RPLP1: variants seen among roughly 807,000 people sequenced by gnomAD.
RPLP1 encodes the protein ribosomal protein lateral stalk subunit P1.
Under a neutral mutation model 11.6 loss-of-function variants are expected in RPLP1, and 4 were observed. That is an observed-to-expected ratio of 0.34 (90% CI 0.17 to 0.79). The LOEUF (loss-of-function observed/expected upper bound fraction) is 0.79, where lower values mean the gene tolerates loss of function less well. Ranked by LOEUF, RPLP1 falls within the 30% of genes least tolerant of loss-of-function variation. RPLP1 has a pLI of 0.55. For missense variants in RPLP1, 133 were observed against 142.8 expected, an observed-to-expected ratio of 0.93 and a Z score of 0.35; for synonymous variants, 54 against 52.2, an observed-to-expected ratio of 1.03 and a Z score of -0.15.
Position 69,455,340 on chromosome 15 carries a change from A to ATAGT in RPLP1, c.265+53_265+54insTAGT. On this transcript the variant is annotated intron_variant, in intron 3 of 3. Transcript: ENST00000260379. Reference sequence around the variant, plus strand: ...GGAGGAGTGTAGAGATTTTTTAAAAAATAGTATTATAGACAAAATTGCCAT... The same window carrying ATAGT: ...GGAGGAGTGTAGAGATTTTTTAAAAATAGTATAGTATTATAGACAAAATTGCCAT... The ATAGT allele has an allele frequency of 2.6e-6, 4 of 1,533,840 alleles. 1 individual carries two copies. The South Asian group carries it at 5.0e-5, about 19-fold the overall frequency.
chr15:69,455,283 T>C lies in RPLP1; in HGVS notation c.261T>C (p.Ala87=). 6.4e-7 allele frequency: 1 copy of C among 1,553,224 alleles called. No individual in the cohort carries two copies. The highest frequency in any genetic ancestry group is 8.7e-7 in the Non-Finnish European group (1 of 1,154,336). The change falls in exon 3 of 4, where the codon GCT becomes GCC. Residue 87 remains alanine (A), a synonymous_variant. Transcript: ENST00000260379. ...GTCCTGCCCCCTCCACTGCTGCTGCTCCAGGTAGGAAACATGGAGTTTTTA... is the reference window on the plus strand; with the variant it reads ...GTCCTGCCCCCTCCACTGCTGCTGCCCCAGGTAGGAAACATGGAGTTTTTA... ...AGGPAPSTAA[A]PAEEKKVEAK...
In RPLP1 at chr15:69,453,151, T is replaced by C. The variant is rs1225309164; in HGVS notation, c.72+131T>C. On this transcript the variant is annotated intron_variant, in intron 1 of 3. Coordinates refer to ENST00000260379, the MANE Select transcript of RPLP1 (RefSeq NM_001003.3). ...GGCCAGGCCGCGAACACAGGCCGCA[T>C]AGGGCGGGCGCTCCTCGGGGCTGGG... 7 of 849,894 alleles carry C rather than the reference T, an allele frequency of 8.2e-6. No homozygotes were observed. The East Asian group carries it at 1.9e-4, about 23-fold the overall frequency. The allele number at this position is 849,894 out of a possible 1,614,324, so 52.6% of individuals were successfully genotyped here. A position where few individuals can be genotyped will look rare whatever the true frequency, so the allele number is the denominator to read the frequency against.
In RPLP1 at chr15:69,452,829, A is replaced by C. The variant is rs188707409; in HGVS notation, c.-120A>C. 1.8e-3 allele frequency: 1,692 copies of C among 915,754 alleles called. 2 individuals are homozygous for C. The highest frequency in any genetic ancestry group is 2.6e-3 in the Non-Finnish European group (1,539 of 588,314). 56.7% of individuals were successfully genotyped at this position (915,754 alleles called of 1,614,324 possible). A position where few individuals can be genotyped will look rare whatever the true frequency, so the allele number is the denominator to read the frequency against. On this transcript the variant is annotated 5_prime_UTR_variant, in exon 1 of 4. Transcript: ENST00000260379. ...TATAGGCGCGAGAGCCCCTTTCCTC[A>C]GCTGCCGCCAAGGTGCTCGGTCCTT...
chr15:69,455,620 C>A lies in RPLP1; in HGVS notation c.*113C>A. ...TCTGTTTTGTAATGTTGGCTTTCAG[C>A]CTATTCTGCCATGACACAGGCTGGA... On this transcript the variant is annotated 3_prime_UTR_variant, in exon 4 of 4. Transcript: ENST00000260379. 1.3e-6 allele frequency: 1 copy of A among 764,730 alleles called. No individual in the cohort carries two copies. The highest frequency in any genetic ancestry group is 2.1e-6 in the Non-Finnish European group (1 of 481,376). 47.4% of individuals were successfully genotyped at this position (764,730 alleles called of 1,614,324 possible). A position where few individuals can be genotyped will look rare whatever the true frequency, so the allele number is the denominator to read the frequency against.
chr15:69,452,911 C>G lies in RPLP1; in HGVS notation c.-38C>G. 2 of 1,552,678 alleles carry G rather than the reference C, an allele frequency of 1.3e-6. No homozygotes were observed. The highest frequency in any genetic ancestry group is 1.7e-6 in the Non-Finnish European group (2 of 1,149,760). ...CCCTCACTTCATCCGGCGACTAGCA[C>G]CGCGTCCGGCAGCGCCAGCCCTACA... On this transcript the variant is annotated 5_prime_UTR_variant, in exon 1 of 4. Transcript: ENST00000260379.
chr15:69,453,530 G>C, intron 1 of RPLP1, 117 bp from the exon 2 acceptor site: 1 of 1,137,420 alleles, frequency 8.8e-7, no homozygotes, highest in Non-Finnish European at 1.3e-6. Flanking sequence ...TCTTTTGCTT[G>C]TGATAGAATA....
chr15:69,452,887 C>T lies in RPLP1; in HGVS notation c.-62C>T. On this transcript the variant is annotated 5_prime_UTR_variant, in exon 1 of 4. Coordinates refer to ENST00000260379, the MANE Select transcript of RPLP1 (RefSeq NM_001003.3). ...AGCTAAGGCTGCGTTGGGGTGAGGC[C>T]CTCACTTCATCCGGCGACTAGCACC... is the stretch of plus-strand genomic sequence containing the variant. 3 of 1,462,926 alleles carry T rather than the reference C, an allele frequency of 2.1e-6. No individual in the cohort carries two copies. The highest frequency in any genetic ancestry group is 2.8e-6 in the Non-Finnish European group (3 of 1,073,708). 90.6% of individuals were successfully genotyped at this position (1,462,926 alleles called of 1,614,324 possible).
chr15:69,453,125 G>T, intron 1 of RPLP1, 105 bp downstream of exon 1: 1 of 1,091,214 alleles, frequency 9.2e-7, no homozygotes, highest in South Asian at 1.4e-5. Context: ...CTTCCGGCCG[G>T]GGCCAGGCCG....
chr15:69,455,062 G>T, intron 2 of RPLP1, 108 bp from the exon 3 acceptor site: 1 of 1,460,112 alleles, frequency 6.8e-7, no homozygotes. Context: ...ATAGTGTTAG[G>T]GGTTGATCAC....
intron 3 of RPLP1, 51 bp from the exon 4 acceptor site, chr15:69,455,376 CA>C (rs1892420275): frequency 6.4e-7 from 1 of 1,555,022 alleles, no homozygotes; most frequent in African/African-American, 1.4e-5. Context: ...TAATTTTTCA[CA>C]AGTATATGAA....
intron 2 of RPLP1, chr15:69,454,707 G>C (rs1892408167): frequency 6.6e-6 from 1 of 152,338 alleles, no homozygotes; most frequent in South Asian, 2.1e-4. Flanking sequence ...AGTGTTTCAG[G>C]AAGTTTGGAT....
chr15:69,453,183 C>CT (rs1207498159), intron 1 of RPLP1, 163 bp downstream of exon 1: 87 of 674,626 alleles, frequency 1.3e-4, no homozygotes, highest in Non-Finnish European at 7.8e-5. Context: ...TGGGGCCTCT[C>CT]TCCGGGCAGG....
rs1596037421 is a variant in RPLP1 at position 69,453,662 on chromosome 15, G to A, written c.88G>A (p.Ala30Thr). 6.2e-7 allele frequency: 1 copy of A among 1,614,068 alleles called. No individual in the cohort carries two copies. Among genetic ancestry groups the A allele is most frequent in the South Asian group, 1.1e-5 (1 of 91,072 alleles). Residue 30 changes from alanine (A) to threonine (T), a missense_variant, in exon 2 of 4, where the codon GCC (alanine) becomes ACC (threonine). By Grantham distance (58) the Ala-to-Thr change is moderately conservative. Transcript: ENST00000260379. ...EVTVTEDKIN[A>T]LIKAAGVNVE... The stretch of plus-strand genomic sequence containing the variant: ...TTTGTTGTAGGAGGATAAGATCAAT[G>A]CCCTCATTAAAGCAGCCGGTGTAAA...
chr15:69,455,279 C>T lies in RPLP1; in HGVS notation c.257C>T (p.Ala86Val), dbSNP rs1281468377. The T allele has an allele frequency of 6.4e-7, 1 of 1,556,430 alleles. No homozygotes were observed. Among genetic ancestry groups the T allele is most frequent in the East Asian group, 2.3e-5 (1 of 44,366 alleles). The part of the protein sequence containing the change: ...PAGGPAPSTA[A>V]APAEEKKVEA... ...GGAGGTCCTGCCCCCTCCACTGCTG[C>T]TGCTCCAGGTAGGAAACATGGAGTT... The change falls in exon 3 of 4, where the codon GCT (alanine) becomes GTT (valine). Residue 86 changes from alanine to valine, a missense_variant. Ala to Val is a moderately conservative substitution (Grantham distance 64). Coordinates refer to ENST00000260379, the MANE Select transcript of RPLP1 (RefSeq NM_001003.3).
chr15:69,453,052 G>C (rs774333571), intron 1 of RPLP1, 32 bp downstream of exon 1: 1 of 1,539,774 alleles, frequency 6.5e-7, no homozygotes, highest in African/African-American at 1.4e-5. Flanking sequence ...CGGCCGGGCT[G>C]CCTGTGGGCG....
chr15:69,452,850 T>G lies in RPLP1; in HGVS notation c.-99T>G. ...CCTCAGCTGCCGCCAAGGTGCTCGG[T>G]CCTTCCGAGGAAGCTAAGGCTGCGT... On this transcript the variant is annotated 5_prime_UTR_variant, in exon 1 of 4. Transcript: ENST00000260379. The G allele has an allele frequency of 8.8e-7, 1 of 1,137,146 alleles. No individual in the cohort carries two copies. Among genetic ancestry groups the G allele is most frequent in the Non-Finnish European group, 1.3e-6 (1 of 782,888 alleles). The allele number at this position is 1,137,146 out of a possible 1,614,324, so 70.4% of individuals were successfully genotyped here. A position where few individuals can be genotyped will look rare whatever the true frequency, so the allele number is the denominator to read the frequency against.
chr15:69,454,823 G>T, intron 2 of RPLP1: 1 of 167,780 alleles, frequency 6.0e-6, no homozygotes, highest in Non-Finnish European at 1.3e-5. Flanking sequence ...GAACAGTAGT[G>T]CGTTGCCCTG....
Position 69,454,123 on chromosome 15 carries a change from G to C in RPLP1, c.147+402G>C, listed in dbSNP as rs760394069. On this transcript the variant is annotated intron_variant, in intron 2 of 3. Transcript: ENST00000260379. ...AGCTCACTGCAAGCTCCGCCTCCCG[G>C]GTTCACGCCATTATCCTGCCTCAGC... is the stretch of plus-strand genomic sequence containing the variant. 61 of 198,548 alleles carry C rather than the reference G, an allele frequency of 3.1e-4. 1 individual carries two copies. The South Asian group carries it at 3.6e-3, about 12-fold the overall frequency. 12.3% of individuals were successfully genotyped at this position (198,548 alleles called of 1,614,324 possible).
rs770787579 is a variant in RPLP1 at position 69,452,935 on chromosome 15, C to A, written c.-14C>A. The A allele has an allele frequency of 7.7e-6, 12 of 1,568,174 alleles. No individual in the cohort carries two copies. Among genetic ancestry groups the A allele is most frequent in the Non-Finnish European group, 1.0e-5 (12 of 1,159,220 alleles). On this transcript the variant is annotated 5_prime_UTR_variant, in exon 1 of 4. Transcript: ENST00000260379. ...ACCGCGTCCGGCAGCGCCAGCCCTA[C>A]ACTCGCCCGCGCCATGGCCTCTGTC...
Sources: allele counts gnomAD v4.1 joint callset, GRCh38; gene constraint gnomAD v4.1.1; transcripts MANE v1.5; gene names NCBI Gene and HGNC (gene_info 2026-07-23, HGNC 2026-07-21).